CCDC91: variants seen among roughly 807,000 people sequenced by gnomAD.
The protein encoded by CCDC91 is coiled-coil domain containing 91, also known as coiled-coil domain-containing protein 91.
CCDC91 carries 48 observed loss-of-function variants against 63.2 expected under a neutral mutation model. The observed-to-expected ratio is 0.76, with a 90% confidence interval of 0.60 to 0.97. The LOEUF (loss-of-function observed/expected upper bound fraction) is 0.97. Among genes scored for constraint, CCDC91 ranks in the 50% least tolerant of loss-of-function variants. The pLI is 0.00. For synonymous variants in CCDC91, 167 were observed against 165.8 expected, an observed-to-expected ratio of 1.01 and a Z score of -0.06; for missense variants, 500 against 494.6, an observed-to-expected ratio of 1.01 and a Z score of -0.10.
intron 12 of CCDC91, among the ~76,000 whole-genome samples, chr12:28,522,111 CT>C (rs1940747998): frequency 6.6e-6 from 1 of 152,154 alleles, no homozygotes; most frequent in Non-Finnish European, 1.5e-5. Flanking sequence ...AGGATTCCCT[CT>C]TTTTCTATTG....
chr12:28,453,482 C>T (rs542644980), intron 11 of CCDC91, among the ~76,000 whole-genome samples: 9 of 151,608 alleles, frequency 5.9e-5, no homozygotes, highest in African/African-American at 1.2e-4. Flanking sequence ...TTAATGAAGC[C>T]GTAAAAAGCT....
chr12:28,260,671 T>G (rs2136210263), intron 3 of CCDC91, among the ~76,000 whole-genome samples: 1 of 152,110 alleles, frequency 6.6e-6, no homozygotes, highest in East Asian at 1.9e-4. Context: ...TTAGCCACTA[T>G]GTCTGTTTGT....
intron 8 of CCDC91, among the ~76,000 whole-genome samples, chr12:28,427,582 G>A (rs1174137128): frequency 6.6e-6 from 1 of 151,618 alleles, no homozygotes; most frequent in Non-Finnish European, 1.5e-5. Flanking sequence ...CCTCAAAATT[G>A]TCATTGAAAT....
intron 12 of CCDC91, among the ~76,000 whole-genome samples, chr12:28,519,932 G>A (rs1379756834): frequency 3.9e-5 from 6 of 151,968 alleles, no homozygotes; most frequent in African/African-American, 7.3e-5. Context: ...GTATTCCATG[G>A]TGTATATGAT....
At chr12:28,522,671 G>A (rs971252990) in intron 12 of CCDC91, among the ~76,000 whole-genome samples, 4 of 152,250 alleles carry the variant, frequency 2.6e-5, no homozygotes, top group East Asian at 1.9e-4. Context: ...ATGTTAGGGT[G>A]TCAATTTTAG....
At chr12:28,231,101 ATTTCT>A (rs1944564360) in intron 1 of CCDC91, among the ~76,000 whole-genome samples, 1 of 152,124 alleles carries the variant, frequency 6.6e-6, no homozygotes, top group African/African-American at 2.4e-5. Context: ...TCTGTGGTGA[ATTTCT>A]TTTCTTTACT....
At chr12:28,507,345 C>G (rs1938852873) in intron 12 of CCDC91, among the ~76,000 whole-genome samples, 2 of 151,924 alleles carry the variant, frequency 1.3e-5, no homozygotes, top group African/African-American at 2.4e-5. Flanking sequence ...TGTGGGGGCT[C>G]TACAGTCACT....
At chr12:28,544,521 G>A (rs955493310) in intron 12 of CCDC91, among the ~76,000 whole-genome samples, 1 of 151,952 alleles carries the variant, frequency 6.6e-6, no homozygotes, top group Non-Finnish European at 1.5e-5. Context: ...ATTGATAAAG[G>A]TAGATGTAAC....
At chr12:28,540,546 T>C (rs1245307897) in intron 12 of CCDC91, among the ~76,000 whole-genome samples, 1 of 152,116 alleles carries the variant, frequency 6.6e-6, no homozygotes, top group Non-Finnish European at 1.5e-5. Context: ...GTATTGTGGT[T>C]TAAAGAATAG....
chr12:28,532,911 A>G (rs1941859260), intron 12 of CCDC91, among the ~76,000 whole-genome samples: 1 of 152,128 alleles, frequency 6.6e-6, no homozygotes, highest in African/African-American at 2.4e-5. Flanking sequence ...GAAAATGGGT[A>G]TCATTGGCTA....
intron 6 of CCDC91, among the ~76,000 whole-genome samples, chr12:28,361,858 C>A (rs1170883984): frequency 8.8e-6 from 1 of 113,266 alleles, no homozygotes; most frequent in Non-Finnish European, 1.6e-5. Flanking sequence ...TTTGTCTTAT[C>A]TGTTTTCTGT....
At chr12:28,221,964 C>T (rs1054409667) in intron 1 of CCDC91, among the ~76,000 whole-genome samples, 6 of 152,122 alleles carry the variant, frequency 3.9e-5, no homozygotes, top group South Asian at 2.1e-4. Context: ...CTTCCCCCAC[C>T]ATACTCTTTG....
intron 1 of CCDC91, among the ~76,000 whole-genome samples, chr12:28,207,361 G>C (rs1389398063): frequency 6.6e-6 from 1 of 151,964 alleles, no homozygotes; most frequent in Non-Finnish European, 1.5e-5. Flanking sequence ...AAGGTTCAAG[G>C]TTCCAAAGTT....
At chr12:28,210,544 G>T (rs553226902) in intron 1 of CCDC91, among the ~76,000 whole-genome samples, 2 of 152,222 alleles carry the variant, frequency 1.3e-5, no homozygotes, top group East Asian at 3.9e-4. Context: ...GAAGAACAGG[G>T]CCAGGAAAGG....
chr12:28,528,904 G>A (rs1382182910), intron 12 of CCDC91, among the ~76,000 whole-genome samples: 1 of 152,084 alleles, frequency 6.6e-6, no homozygotes, highest in East Asian at 1.9e-4. Context: ...GGAATACTAT[G>A]CATCCATTAA....
intron 1 of CCDC91, among the ~76,000 whole-genome samples, chr12:28,200,097 C>T (rs1454899906): frequency 6.6e-6 from 1 of 152,012 alleles, no homozygotes; most frequent in Non-Finnish European, 1.5e-5. Context: ...TTGATGGTTT[C>T]CTATAGGTCT....
Position 28,417,894 on chromosome 12 carries a change from A to G in CCDC91, c.762+26483A>G, listed in dbSNP as rs188402990. Among the ~76,000 whole-genome samples, 88 of 152,140 alleles carry G rather than the reference A, an allele frequency of 5.8e-4. No individual in the cohort carries two copies. In the East Asian group the frequency reaches 0.017, roughly 29 times the overall value. On this transcript the variant is annotated intron_variant, in intron 8 of 12. Coordinates refer to ENST00000536442, the MANE Select transcript of CCDC91 (RefSeq NM_018318.5). ...GTGCACCTATGTTGTATATTTATTCATAGTTTTTCCTTCCATTACTGAGTG... is the reference window on the plus strand; with the variant it reads ...GTGCACCTATGTTGTATATTTATTCGTAGTTTTTCCTTCCATTACTGAGTG...
intron 7 of CCDC91, among the ~76,000 whole-genome samples, chr12:28,370,457 A>G (rs1037525683): frequency 2.0e-5 from 3 of 152,178 alleles, no homozygotes; most frequent in African/African-American, 7.2e-5. Flanking sequence ...CGTGGGCTTC[A>G]TTGTCCATAT....
intron 1 of CCDC91, among the ~76,000 whole-genome samples, chr12:28,232,452 A>G (rs1210816063): frequency 2.0e-5 from 3 of 152,118 alleles, no homozygotes; most frequent in African/African-American, 7.2e-5. Context: ...CAACTAGATT[A>G]TAAGTGCCTT....
Sources: gnomAD v4.1 joint callset for allele counts (sites outside exome capture counted in the v4.1 genomes callset) on GRCh38, gnomAD v4.1.1 for gene constraint, MANE v1.5 for transcripts, NCBI Gene and HGNC (gene_info 2026-07-23, HGNC 2026-07-21) for gene names.